Variants in PLK4 observed in about 807,000 individuals in gnomAD.
The protein encoded by PLK4 is serine/threonine-protein kinase PLK4.
A neutral mutation model predicts 103.0 loss-of-function variants in PLK4; 51 were observed. The ratio of observed to expected loss-of-function variants is 0.50; its 90% CI spans 0.40 to 0.63. PLK4 has a LOEUF of 0.63. Ranked by LOEUF, PLK4 falls within the 20% of genes least tolerant of loss-of-function variation. The pLI, the probability that PLK4 is intolerant of heterozygous loss-of-function variation, is 0.00. For synonymous variants in PLK4, 389 were observed against 376.8 expected (o/e 1.03, Z -0.38); for missense variants, 1,054 against 1,151.0 (o/e 0.92, Z 1.22).
chr4:127,893,663 A>G (rs1578766010), intron 12 of PLK4, 59 bp downstream of exon 12: 3 of 1,582,792 alleles, frequency 1.9e-6, no homozygotes, highest in Non-Finnish European at 2.6e-6. Flanking sequence ...TGATGTTTAT[A>G]TTATAAACAT....
At chr4:127,896,752 T>C in intron 14 of PLK4, 49 bp from the exon 15 acceptor site, 2 of 947,598 alleles carry the variant, frequency 2.1e-6, no homozygotes. Context: ...CTACTGCTGT[T>C]TTTTTTTTTT....
chr4:127,886,428 G>A lies in PLK4; in HGVS notation c.1058G>A (p.Ser353Asn), dbSNP rs763070391. Reference protein sequence around the residue: ...FYTQWGNQETSNSGRGRVIQD... With the variant: ...FYTQWGNQETNNSGRGRVIQD... The stretch of plus-strand genomic sequence containing the variant: ...ACTCAGTGGGGAAATCAAGAAACCA[G>A]TAATAGTGGAAGGGGAAGAGTAATT... The change falls in exon 5 of 16, where the codon AGT becomes AAT. Residue 353 changes from serine (S) to asparagine (N), a missense_variant. Transcript: ENST00000270861. The A allele has an allele frequency of 1.2e-6, 2 of 1,614,110 alleles. No homozygotes were observed. Among genetic ancestry groups the A allele is most frequent in the Non-Finnish European group, 1.7e-6 (2 of 1,179,958 alleles).
chr4:127,898,126 G>A (rs1340042456), intron 15 of PLK4, among the ~76,000 whole-genome samples: 1 of 151,924 alleles, frequency 6.6e-6, no homozygotes, highest in African/African-American at 2.4e-5. Flanking sequence ...ATTAACCACC[G>A]CGCCTGTCCG....
chr4:127,891,461 CA>C, intron 8 of PLK4, 117 bp from the exon 9 acceptor site: 1 of 458,122 alleles, frequency 2.2e-6, no homozygotes, highest in Non-Finnish European at 3.9e-6. Flanking sequence ...GAATATTTAA[CA>C]TTTTTCTATA....
intron 6 of PLK4, among the ~76,000 whole-genome samples, chr4:127,889,314 A>G (rs1473212266): frequency 6.6e-6 from 1 of 152,098 alleles, no homozygotes; most frequent in Non-Finnish European, 1.5e-5. Context: ...TGGTAAACTT[A>G]ATTACTTTTT....
At chr4:127,881,210 T>A in intron 1 of PLK4, 46 bp downstream of exon 1, 2 of 1,612,890 alleles carry the variant, frequency 1.2e-6, no homozygotes, top group Non-Finnish European at 1.7e-6. Context: ...GGAGTAATTG[T>A]GGGAGGACAC....
Position 127,892,522 on chromosome 4 carries a change from C to T in PLK4, c.2188+8C>T. 6.3e-7 allele frequency: 1 copy of T among 1,598,922 alleles called. No individual in the cohort carries two copies. The highest frequency in any genetic ancestry group is 1.1e-5 in the South Asian group (1 of 88,772). On this transcript the variant is annotated splice_region_variant and intron_variant, in intron 10 of 15. Coordinates refer to ENST00000270861, the MANE Select transcript of PLK4 (RefSeq NM_014264.5). ...AGGTTTGGTTTTATGATGGTAAGTA[C>T]CATTTGGAAATGGTAATTTGTTCCT...
In PLK4 at chr4:127,892,091, T is replaced by G. The variant is rs75694920; in HGVS notation, c.2039-274T>G. On this transcript the variant is annotated intron_variant, in intron 9 of 15. Transcript: ENST00000270861. ...AAGCATTCTGCATTTAAAAAATAAT[T>G]CACCATGTATGTGGCTTTTGAGCTT... The G allele has an allele frequency of 6.2e-4, 156 of 252,454 alleles. 1 individual carries two copies. The East Asian group carries it at 0.011, about 18-fold the overall frequency. The allele number at this position is 252,454 out of a possible 1,614,324, so 15.6% of individuals were successfully genotyped here.
Position 127,893,762 on chromosome 4 carries a change from G to A in PLK4, c.2443G>A (p.Ala815Thr). The A allele has an allele frequency of 3.7e-6, 6 of 1,611,744 alleles. No individual in the cohort carries two copies. The highest frequency in any genetic ancestry group is 5.1e-6 in the Non-Finnish European group (6 of 1,178,124). The change falls in exon 13 of 16, where the codon GCC (alanine) becomes ACC (threonine). Residue 815 changes from alanine (A) to threonine (T), a missense_variant. Around this residue, in one of 4 missense-constraint regions of PLK4, gnomAD observed 167 missense variants for 200.7 expected, o/e 0.83. Transcript: ENST00000270861. ...ACCTGGTAGTACTAGTTCACCTAAG[G>A]CCTTATCACCTCCTCCTTCTGTGGA... The part of the protein sequence containing the change: ...RKPGSTSSPK[A>T]LSPPPSVDSN...
chr4:127,888,560 A>C (rs1735233823), intron 6 of PLK4, among the ~76,000 whole-genome samples: 1 of 152,194 alleles, frequency 6.6e-6, no homozygotes, highest in Non-Finnish European at 1.5e-5. Context: ...GAAGCTGATA[A>C]GGACAGTATA....
intron 9 of PLK4, chr4:127,891,901 ACT>A (rs1735374059): frequency 3.5e-6 from 1 of 286,018 alleles, no homozygotes; most frequent in South Asian, 1.5e-4. Context: ...TTAAAAACTA[ACT>A]CTAGAACATT....
intron 1 of PLK4, 28 bp downstream of exon 1, chr4:127,881,192 G>A: frequency 6.2e-7 from 1 of 1,613,870 alleles, no homozygotes; most frequent in Non-Finnish European, 8.5e-7. Context: ...TCTGCAGCGG[G>A]GCGGGTGGGA....
chr4:127,894,837 AT>A, intron 13 of PLK4, 115 bp from the exon 14 acceptor site: 1 of 620,484 alleles, frequency 1.6e-6, no homozygotes, highest in South Asian at 4.3e-5. Flanking sequence ...TCGTTAAAAA[AT>A]GTTTGTTTTT....
At chr4:127,882,268 A>G (rs1235627527) in intron 2 of PLK4, among the ~76,000 whole-genome samples, 1 of 152,232 alleles carries the variant, frequency 6.6e-6, no homozygotes. Context: ...CATACAAAAT[A>G]TTATTCTTGA....
Position 127,890,077 on chromosome 4 carries a change from A to G in PLK4, c.1671A>G (p.Gln557=). 1 of 1,614,058 alleles carries G rather than the reference A, an allele frequency of 6.2e-7. No homozygotes were observed. The highest frequency in any genetic ancestry group is 8.5e-7 in the Non-Finnish European group (1 of 1,179,946). Residue 557 remains glutamine, a synonymous_variant, in exon 7 of 16, where the codon CAA becomes CAG. Transcript: ENST00000270861. The stretch of plus-strand genomic sequence containing the variant: ...TTCACAGTAAACCTGAGATAATCCA[A>G]CAAGAATGTGTTTTTGGCTCAGATC... ...TALHSKPEII[Q]QECVFGSDPL...
chr4:127,891,982 T>A, intron 9 of PLK4: 2 of 215,194 alleles, frequency 9.3e-6, no homozygotes, highest in Middle Eastern at 1.7e-3. Flanking sequence ...TTAAAAAAAA[T>A]TCAACATTGT....
At chr4:127,897,788 A>T (rs1735622605) in intron 15 of PLK4, among the ~76,000 whole-genome samples, 1 of 114,120 alleles carries the variant, frequency 8.8e-6, no homozygotes, top group Admixed American at 1.0e-4. Context: ...TATATTCATA[A>T]TGTGTTTAGC....
rs564153639 is a variant in PLK4, at chr4:127,881,187, A to C, written c.30+23A>C. 144 of 1,613,634 alleles carry C rather than the reference A, an allele frequency of 8.9e-5. 1 individual carries two copies. In the South Asian group the frequency reaches 1.4e-3, roughly 15 times the overall value. On this transcript the variant is annotated intron_variant, in intron 1 of 15. Transcript: ENST00000270861. ...GAGGTGAAAAGACTCGGCAGTCTGC[A>C]GCGGGGCGGGTGGGAGTAATTGTGG...
chr4:127,891,995 T>A, intron 9 of PLK4: 1 of 214,168 alleles, frequency 4.7e-6, no homozygotes, highest in Non-Finnish European at 9.1e-6. Flanking sequence ...AACATTGTGC[T>A]TGCTTCAGAG....
Sources: allele counts gnomAD v4.1 joint callset (sites outside exome capture counted in the v4.1 genomes callset), GRCh38; gene constraint gnomAD v4.1.1; regional missense constraint gnomAD v4.1.1; transcripts MANE v1.5; gene names NCBI Gene and HGNC (gene_info 2026-07-23, HGNC 2026-07-21).